ANKDD1A: variants seen among roughly 807,000 people sequenced by gnomAD.
The protein encoded by ANKDD1A is ankyrin repeat and death domain-containing protein 1A.
Under a neutral mutation model 63.5 loss-of-function variants are expected in ANKDD1A, and 59 were observed. The observed-to-expected ratio is 0.93, with a 90% CI of 0.75 to 1.15. The LOEUF is 1.15. Ranked by LOEUF, ANKDD1A falls within the 50% of genes most tolerant of loss-of-function variation. The pLI, the probability that ANKDD1A is intolerant of heterozygous loss-of-function variation, is 0.00. For missense variants in ANKDD1A, 632 were observed against 656.4 expected (o/e 0.96, Z 0.41); for synonymous variants, 266 against 263.9 (o/e 1.01, Z -0.08).
chr15:64,957,032 T>G (rs929094634), intron 14 of ANKDD1A, 71 bp from the exon 15 acceptor site: 4 of 443,942 alleles, frequency 9.0e-6, no homozygotes, highest in African/African-American at 8.2e-5. Flanking sequence ...CTCTAAATCT[T>G]TCTGAGCTAC....
Position 64,957,873 on chromosome 15 carries a change from T to C in ANKDD1A, c.*685T>C, listed in dbSNP as rs149189710. On this transcript the variant is annotated 3_prime_UTR_variant, in exon 15 of 15. Coordinates refer to ENST00000319580, the MANE Select transcript of ANKDD1A (RefSeq NM_182703.6). ...TATATTACTAATAGTATGCTGTTAA[T>C]TGTGTAAGAAAGAAAGGAAATTAGA... is the stretch of plus-strand genomic sequence containing the variant. 1.3e-5 allele frequency: 2 copies of C among 152,218 alleles called. No homozygotes were observed. Among genetic ancestry groups the C allele is most frequent in the East Asian group, 1.9e-4 (1 of 5,180 alleles). 9.4% of individuals were successfully genotyped at this position (152,218 alleles called of 1,614,324 possible). A position where few individuals can be genotyped will look rare whatever the true frequency, so the allele number is the denominator to read the frequency against.
At chr15:64,950,813 C>T (rs189008827) in intron 14 of ANKDD1A, 10 of 1,047,544 alleles carry the variant, frequency 9.5e-6, no homozygotes, top group East Asian at 1.1e-4. Context: ...ATTAGGGACG[C>T]TACCTTTCTT....
At chr15:64,953,595 C>CTT (rs1324518507) in intron 14 of ANKDD1A, among the ~76,000 whole-genome samples, 1 of 41,468 alleles carries the variant, frequency 2.4e-5, no homozygotes, top group African/African-American at 5.6e-5. Flanking sequence ...CTTCCTTCTC[C>CTT]TTTTCTTCTT....
intron 14 of ANKDD1A, among the ~76,000 whole-genome samples, chr15:64,954,770 C>A (rs1414727157): frequency 7.2e-6 from 1 of 138,128 alleles, no homozygotes; most frequent in African/African-American, 2.9e-5. Flanking sequence ...GTTCTTCTTT[C>A]TTCTTCTCCT....
At chr15:64,925,972 C>G in intron 4 of ANKDD1A, 94 bp from the exon 5 acceptor site, 1 of 1,135,124 alleles carries the variant, frequency 8.8e-7, no homozygotes, top group Non-Finnish European at 1.3e-6. Context: ...AGGCTGTGTT[C>G]TGGGTCCCAA....
Position 64,922,024 on chromosome 15 carries a change from G to T in ANKDD1A, c.366+5G>T. On this transcript the variant is annotated splice_donor_5th_base_variant and intron_variant, in intron 4 of 14. Transcript: ENST00000319580. ...AAGATCCACTGTGAGAGCAAGGTAA[G>T]GCCTCAGCTGGTAGACCCCTGTCCC... 6.2e-7 allele frequency: 1 copy of T among 1,613,686 alleles called. No individual in the cohort carries two copies. Among genetic ancestry groups the T allele is most frequent in the African/African-American group, 1.3e-5 (1 of 75,030 alleles).
At chr15:64,955,333 G>A (rs557055695) in intron 14 of ANKDD1A, among the ~76,000 whole-genome samples, 5 of 152,150 alleles carry the variant, frequency 3.3e-5, no homozygotes, top group Non-Finnish European at 5.9e-5. Context: ...TGCCCTGTCC[G>A]GCAGAGTAGC....
At chr15:64,921,160 G>C (rs779888351) in intron 3 of ANKDD1A, among the ~76,000 whole-genome samples, 3 of 151,860 alleles carry the variant, frequency 2.0e-5, no homozygotes, top group Admixed American at 6.6e-5. Flanking sequence ...TGTCTGTAGA[G>C]ATGGGGGTCC....
chr15:64,923,720 C>T (rs757216116), intron 4 of ANKDD1A, among the ~76,000 whole-genome samples: 25 of 152,108 alleles, frequency 1.6e-4, no homozygotes, highest in African/African-American at 6.0e-4. Flanking sequence ...AGGAGGGCAC[C>T]CTGTGAATAC....
intron 9 of ANKDD1A, among the ~76,000 whole-genome samples, chr15:64,940,593 C>A (rs530807399): frequency 1.1e-5 from 1 of 93,086 alleles, no homozygotes; most frequent in South Asian, 5.3e-4. Flanking sequence ...CCACCAAGCC[C>A]GGCTAATTTT....
intron 14 of ANKDD1A, among the ~76,000 whole-genome samples, chr15:64,954,048 CTTTTCTCCTTCTTCTTT>C (rs2085371765): frequency 1.6e-5 from 1 of 62,240 alleles, no homozygotes; most frequent in Admixed American, 2.4e-4. Context: ...TCCTCTTCTT[CTTTTCTCCTTCTTCTTT>C]CTTCTTCCTC....
At position 64,952,781 on chromosome 15, in the gene ANKDD1A, CCTTCTCCTTCTTCTTTT is replaced by C. The variant is rs1385980640; in HGVS notation, c.1483+2821_1483+2837del. Among the ~76,000 whole-genome samples, 7 of 24,488 alleles carry C rather than the reference CCTTCTCCTTCTTCTTTT, an allele frequency of 2.9e-4. No homozygotes were observed. In the Admixed American group the frequency reaches 3.6e-3, roughly 12 times the overall value. The allele number at this position is 24,488 out of a possible 152,430, so 16.1% of individuals were successfully genotyped here. The stretch of plus-strand genomic sequence containing the variant: ...CCTCCTCCTCCTTTCTTTTCTTCTT[CCTTCTCCTTCTTCTTTT>C]CTTCTCCTTCTCCTCCTTCTTCCTC... On this transcript the variant is annotated intron_variant, in intron 14 of 14. Transcript: ENST00000319580.
At chr15:64,953,761 TTCTTCC>T (rs747961912) in intron 14 of ANKDD1A, among the ~76,000 whole-genome samples, 2 of 74,084 alleles carry the variant, frequency 2.7e-5, no homozygotes, top group African/African-American at 3.6e-5. Flanking sequence ...TTCTTCGTTC[TTCTTCC>T]TCTTCCCTCT....
At chr15:64,950,342 C>T in intron 14 of ANKDD1A, 1 of 985,310 alleles carries the variant, frequency 1.0e-6, no homozygotes, top group Non-Finnish European at 1.2e-6. Flanking sequence ...ACATAGGAGC[C>T]AAAACTGACT....
chr15:64,942,516 T>C lies in ANKDD1A; in HGVS notation c.917T>C (p.Leu306Ser). Residue 306 changes from leucine to serine, a missense_variant, in exon 10 of 15, where the codon TTG (leucine) becomes TCG (serine). Leu to Ser is a moderately radical substitution (Grantham distance 145). Coordinates refer to ENST00000319580, the MANE Select transcript of ANKDD1A (RefSeq NM_182703.6). ...HLAVRHNFPA[L>S]VRLLINSDSD... ...GCTGTGAGGCACAACTTCCCTGCCTTGGTCCGGCTCCTCATCAACTCCGAC... is the reference window on the plus strand; with the variant it reads ...GCTGTGAGGCACAACTTCCCTGCCTCGGTCCGGCTCCTCATCAACTCCGAC... The C allele has an allele frequency of 6.2e-7, 1 of 1,613,942 alleles. No homozygotes were observed.
chr15:64,930,484 A>G (rs2085080944), intron 6 of ANKDD1A, among the ~76,000 whole-genome samples: 1 of 152,244 alleles, frequency 6.6e-6, no homozygotes, highest in Non-Finnish European at 1.5e-5. Context: ...GACTGAGCCA[A>G]GCAGCTGCCT....
intron 1 of ANKDD1A, among the ~76,000 whole-genome samples, chr15:64,914,572 G>C (rs1440240729): frequency 6.6e-6 from 1 of 152,248 alleles, no homozygotes; most frequent in Non-Finnish European, 1.5e-5. Context: ...GGGATTGCAC[G>C]CATGAGCCAC....
intron 5 of ANKDD1A, 67 bp downstream of exon 5, chr15:64,926,237 A>T (rs2085045701): frequency 6.9e-7 from 1 of 1,446,816 alleles, no homozygotes; most frequent in Non-Finnish European, 9.6e-7. Flanking sequence ...ACTCTTGCAC[A>T]CTGGGCTTAC....
Position 64,954,709 on chromosome 15 carries a change from T to TCTC in ANKDD1A, c.1484-2392_1484-2391insCCT, listed in dbSNP as rs1181603864. Among the ~76,000 whole-genome samples the TCTC allele has an allele frequency of 2.7e-4, 30 of 109,756 alleles. No homozygotes were observed. In the East Asian group the frequency reaches 8.2e-3, roughly 30 times the overall value. 72.0% of individuals were successfully genotyped at this position (109,756 alleles called of 152,430 possible). On this transcript the variant is annotated intron_variant, in intron 14 of 14. Coordinates refer to ENST00000319580, the MANE Select transcript of ANKDD1A (RefSeq NM_182703.6). ...TCCTTCTCCTTGTTCTTCTCCTTCT[T>TCTC]CTTCTCCTTCTCCTCCTCCTTCTTC...
Sources: gnomAD v4.1 joint callset for allele counts (sites outside exome capture counted in the v4.1 genomes callset) on GRCh38, gnomAD v4.1.1 for gene constraint, MANE v1.5 for transcripts, NCBI Gene and HGNC (gene_info 2026-07-23, HGNC 2026-07-21) for gene names.